Variants in CKAP5 observed in about 807,000 individuals in gnomAD.
The protein encoded by CKAP5 is cytoskeleton-associated protein 5.
In CKAP5, 27 loss-of-function variants were observed where a neutral mutation model predicts 232.8. The observed-to-expected ratio is 0.12, with a 90% CI of 0.09 to 0.16. The LOEUF (loss-of-function observed/expected upper bound fraction) is 0.16. CKAP5 is among the 10% of genes least tolerant of loss of function. The pLI is 1.00. For synonymous variants in CKAP5, 785 were observed against 841.1 expected, an observed-to-expected ratio of 0.93 and a Z score of 1.16; for missense variants, 1,838 against 2,424.7, an observed-to-expected ratio of 0.76 and a Z score of 5.08.
At chr11:46,833,636 GC>G (rs1375818875) in intron 1 of CKAP5, among the ~76,000 whole-genome samples, 1 of 151,390 alleles carries the variant, frequency 6.6e-6, no homozygotes, top group Admixed American at 6.6e-5. Flanking sequence ...CTGCCACCAT[GC>G]CCGGCTAATT....
At chr11:46,744,644 A>G in intron 42 of CKAP5, 67 bp from the exon 43 acceptor site, 1 of 1,413,342 alleles carries the variant, frequency 7.1e-7, no homozygotes, top group African/African-American at 1.4e-5. Context: ...TGCCTTGGTT[A>G]ATCTCCCACC....
intron 38 of CKAP5, 64 bp from the exon 39 acceptor site, chr11:46,751,598 A>G (rs2134570272): frequency 7.4e-7 from 1 of 1,355,722 alleles, no homozygotes; most frequent in East Asian, 2.3e-5. Flanking sequence ...GTCACCATTC[A>G]TCTTCCCTAA....
chr11:46,810,017 G>T, intron 5 of CKAP5, 143 bp from the exon 6 acceptor site: 1 of 793,842 alleles, frequency 1.3e-6, no homozygotes, highest in Non-Finnish European at 1.9e-6. Context: ...TGTCACCCAG[G>T]CTGAAGTGCA....
chr11:46,845,872 G>A (rs1003403444), intron 1 of CKAP5, among the ~76,000 whole-genome samples: 1 of 152,144 alleles, frequency 6.6e-6, no homozygotes, highest in African/African-American at 2.4e-5. Context: ...TAGCAGGGCC[G>A]GCTCTCGGGG....
At position 46,778,180 on chromosome 11, in the gene CKAP5, T is replaced by C. The variant is rs753969792; in HGVS notation, c.2707A>G (p.Thr903Ala). The change falls in exon 22 of 44, where the codon ACT becomes GCT. Residue 903 changes from threonine (T) to alanine (A), a missense_variant. Physicochemically the swap from Thr to Ala is moderately conservative, Grantham distance 58 (BLOSUM62 0). Coordinates refer to ENST00000529230, the MANE Select transcript of CKAP5 (RefSeq NM_001008938.4). The part of the protein sequence containing the change: ...FIQPNIGELP[T>A]ALKGRLNDSN... ...TCATTGAGTCGACCCTTCAAGGCAG[T>C]TGGAAGTTCACCTATATTCGGTTGG... The C allele has an allele frequency of 1.1e-5, 18 of 1,613,996 alleles. No individual in the cohort carries two copies. The highest frequency in any genetic ancestry group is 8.3e-5 in the Admixed American group (5 of 59,984).
intron 36 of CKAP5, among the ~76,000 whole-genome samples, chr11:46,754,068 G>A (rs1470497486): frequency 3.3e-5 from 5 of 151,460 alleles, no homozygotes; most frequent in African/African-American, 4.9e-5. Context: ...GCACGATCTC[G>A]GCTCACTGAA....
intron 13 of CKAP5, among the ~76,000 whole-genome samples, chr11:46,792,477 A>G (rs1043533277): frequency 2.6e-4 from 39 of 151,748 alleles, no homozygotes; most frequent in Admixed American, 1.1e-3. Flanking sequence ...CACTTGAACC[A>G]GGGAGGCAGA....
intron 13 of CKAP5, among the ~76,000 whole-genome samples, chr11:46,792,763 C>T (rs1938770366): frequency 6.6e-6 from 1 of 152,174 alleles, no homozygotes; most frequent in Admixed American, 6.5e-5. Flanking sequence ...CCAGCATGAA[C>T]ATGGAAGGGT....
intron 33 of CKAP5, 170 bp downstream of exon 33, chr11:46,760,442 A>AGACAAT: frequency 1.4e-6 from 1 of 722,000 alleles, no homozygotes; most frequent in Non-Finnish European, 2.4e-6. Flanking sequence ...ACAAAGACAA[A>AGACAAT]GACAATGAAG....
At chr11:46,744,744 T>C (rs1057208957) in intron 42 of CKAP5, among the ~76,000 whole-genome samples, 167 bp from the exon 43 acceptor site, 45 of 152,266 alleles carry the variant, frequency 3.0e-4, no homozygotes, top group African/African-American at 1.0e-3. Context: ...CTCTGAAATA[T>C]ACAATATAAG....
At chr11:46,817,451 G>A (rs183002006) in intron 3 of CKAP5, among the ~76,000 whole-genome samples, 41 of 152,168 alleles carry the variant, frequency 2.7e-4, no homozygotes, top group Non-Finnish European at 5.0e-4. Flanking sequence ...CTACACTACC[G>A]GGAATCAGAA....
intron 9 of CKAP5, among the ~76,000 whole-genome samples, chr11:46,798,767 A>G (rs1410973610): frequency 6.6e-6 from 1 of 152,162 alleles, no homozygotes; most frequent in Non-Finnish European, 1.5e-5. Context: ...CTGGAATTAG[A>G]TAGTGCTGAT....
At chr11:46,836,995 A>G (rs1162464038) in intron 1 of CKAP5, among the ~76,000 whole-genome samples, 1 of 152,202 alleles carries the variant, frequency 6.6e-6, no homozygotes, top group Admixed American at 6.5e-5. Flanking sequence ...GTGTGAAACA[A>G]CTTCACCAAA....
intron 1 of CKAP5, among the ~76,000 whole-genome samples, chr11:46,829,846 G>A (rs1164055705): frequency 2.3e-3 from 54 of 22,994 alleles, no homozygotes; most frequent in African/African-American, 3.9e-3. Flanking sequence ...GTATGTGTGT[G>A]TGTGTGTGTG....
At chr11:46,752,193 T>TATATATATATATATATACACAC (rs1408030107) in intron 38 of CKAP5, among the ~76,000 whole-genome samples, 2 of 66,552 alleles carry the variant, frequency 3.0e-5, no homozygotes, top group Admixed American at 2.2e-4. Context: ...TATATATATA[T>TATATATATATATATATACACAC]ACACACACAC....
At chr11:46,795,894 T>C (rs1250438460) in intron 12 of CKAP5, 118 bp from the exon 13 acceptor site, 6 of 871,484 alleles carry the variant, frequency 6.9e-6, no homozygotes, top group Non-Finnish European at 1.1e-5. Context: ...CCAGGCAAGG[T>C]GGCTCACACC....
intron 35 of CKAP5, among the ~76,000 whole-genome samples, chr11:46,758,032 C>A (rs757717827): frequency 3.2e-4 from 48 of 152,116 alleles, no homozygotes; most frequent in Non-Finnish European, 1.5e-5. Flanking sequence ...GGACTCCAGG[C>A]AGGAGCCACC....
At chr11:46,803,557 T>G (rs1202172855) in intron 8 of CKAP5, among the ~76,000 whole-genome samples, 2 of 152,154 alleles carry the variant, frequency 1.3e-5, no homozygotes, top group African/African-American at 2.4e-5. Context: ...TGTGACCTAC[T>G]GTACCCAGCC....
chr11:46,838,314 G>A (rs1301143762), intron 1 of CKAP5, among the ~76,000 whole-genome samples: 2 of 151,966 alleles, frequency 1.3e-5, no homozygotes, highest in African/African-American at 2.4e-5. Context: ...AAGACTAATT[G>A]AGACTGTTAA....
Sources: allele counts gnomAD v4.1 joint callset (sites outside exome capture counted in the v4.1 genomes callset), GRCh38; gene constraint gnomAD v4.1.1; transcripts MANE v1.5; gene names NCBI Gene and HGNC (gene_info 2026-07-23, HGNC 2026-07-21).